The following RAD51B variants were observed in gnomAD, a reference collection of about 807,000 sequenced individuals.
RAD51B encodes RAD51 paralog B.
Under a neutral mutation model 42.2 loss-of-function variants are expected in RAD51B, and 38 were observed. That is an observed-to-expected ratio of 0.90 (90% CI 0.70 to 1.18). The LOEUF is 1.18. RAD51B is among the 50% of genes most tolerant of loss of function. The pLI, the probability that RAD51B is intolerant of heterozygous loss-of-function variation, is 0.00. For synonymous variants in RAD51B, 154 were observed against 145.2 expected (o/e 1.06, Z -0.43); for missense variants, 373 against 400.7 (o/e 0.93, Z 0.59).
chr14:68,392,805 G>A (rs1047311089), intron 8 of RAD51B, among the ~76,000 whole-genome samples: 3 of 152,180 alleles, frequency 2.0e-5, no homozygotes, highest in African/African-American at 7.2e-5. Flanking sequence ...TCCCCATTTC[G>A]ACTCATGCCC....
At chr14:68,659,161 A>G (rs1190925015) in intron 11 of RAD51B, among the ~76,000 whole-genome samples, 2 of 152,174 alleles carry the variant, frequency 1.3e-5, no homozygotes, top group Non-Finnish European at 2.9e-5. Flanking sequence ...CTCTCCACCC[A>G]CGGAGCCTTT....
intron 10 of RAD51B, among the ~76,000 whole-genome samples, chr14:68,548,949 C>T (rs1037347814): frequency 6.6e-6 from 1 of 152,202 alleles, no homozygotes; most frequent in African/African-American, 2.4e-5. Context: ...CAAATCCCTC[C>T]TCCCACCCCT....
chr14:68,496,396 C>T (rs979185150), intron 10 of RAD51B, among the ~76,000 whole-genome samples: 4 of 152,238 alleles, frequency 2.6e-5, no homozygotes, highest in Non-Finnish European at 5.9e-5. Flanking sequence ...GTGTCCATGC[C>T]TCTGGGCCAA....
chr14:67,838,180 C>A (rs142289069), intron 4 of RAD51B, among the ~76,000 whole-genome samples: 16 of 152,228 alleles, frequency 1.1e-4, no homozygotes, highest in Non-Finnish European at 1.9e-4. Context: ...CATATTTATC[C>A]ATTTGTCTGC....
intron 7 of RAD51B, among the ~76,000 whole-genome samples, chr14:67,984,967 G>A (rs982982343): frequency 6.6e-6 from 1 of 152,156 alleles, no homozygotes; most frequent in Non-Finnish European, 1.5e-5. Flanking sequence ...TACTGATGGG[G>A]TATAGAACAA....
chr14:67,961,460 C>G (rs1213408455), intron 7 of RAD51B, among the ~76,000 whole-genome samples: 1 of 152,184 alleles, frequency 6.6e-6, no homozygotes, highest in African/African-American at 2.4e-5. Context: ...CAAAGATATG[C>G]TGGCTATCAG....
Position 67,951,263 on chromosome 14 carries a change from T to C in RAD51B, c.756+64059T>C, listed in dbSNP as rs913935955. ...GTTGGTGCCTGTAGTTTTGTATCCA[T>C]TGAAATATACTGTCACTCATTGGGT... On this transcript the variant is annotated intron_variant, in intron 7 of 10. Transcript: ENST00000471583. Among the ~76,000 whole-genome samples, 5 of 152,176 alleles carry C rather than the reference T, an allele frequency of 3.3e-5. 1 individual carries two copies. Among genetic ancestry groups the C allele is most frequent in the South Asian group, 4.1e-4 (2 of 4,832 alleles).
intron 10 of RAD51B, among the ~76,000 whole-genome samples, chr14:68,545,169 TG>T (rs1300335366): frequency 6.6e-6 from 1 of 152,248 alleles, no homozygotes; most frequent in Non-Finnish European, 1.5e-5. Context: ...CCAGGTTCCA[TG>T]GGCACATATC....
At chr14:68,021,439 A>T (rs1296421917) in intron 7 of RAD51B, among the ~76,000 whole-genome samples, 1 of 152,188 alleles carries the variant, frequency 6.6e-6, no homozygotes, top group Non-Finnish European at 1.5e-5. Flanking sequence ...ATTTTCCCAT[A>T]TCTTCACTGT....
At chr14:67,897,278 C>T (rs2043453234) in intron 7 of RAD51B, among the ~76,000 whole-genome samples, 1 of 151,834 alleles carries the variant, frequency 6.6e-6, no homozygotes, top group African/African-American at 2.4e-5. Context: ...TTCTGCATAG[C>T]AAAGGAAATA....
chr14:68,608,165 C>G (rs528327162), intron 10 of RAD51B, among the ~76,000 whole-genome samples: 1 of 152,346 alleles, frequency 6.6e-6, no homozygotes, highest in Non-Finnish European at 1.5e-5. Context: ...GCTTCCCTGC[C>G]CTTCTCTTAG....
At chr14:68,595,742 A>G in exon 11 of RAD51B, 2 of 632,704 alleles carry the variant, frequency 3.2e-6, no homozygotes, top group Non-Finnish European at 4.1e-6. Flanking sequence ...ATTATGTGTC[A>G]GAAGAAGGCT....
chr14:68,636,765 G>A (rs915943873), intron 10 of RAD51B, among the ~76,000 whole-genome samples: 1 of 152,084 alleles, frequency 6.6e-6, no homozygotes, highest in African/African-American at 2.4e-5. Context: ...CATGCCCAGC[G>A]CCTCCCTGAT....
intron 7 of RAD51B, among the ~76,000 whole-genome samples, chr14:68,064,844 T>A (rs1420646738): frequency 6.6e-6 from 1 of 152,222 alleles, no homozygotes; most frequent in Non-Finnish European, 1.5e-5. Flanking sequence ...TGTCTATCCC[T>A]GCATTGAATT....
intron 7 of RAD51B, among the ~76,000 whole-genome samples, chr14:68,159,635 A>G (rs1226520204): frequency 2.0e-5 from 3 of 151,802 alleles, no homozygotes; most frequent in South Asian, 2.1e-4. Context: ...AAAAAAAAAA[A>G]GACAAAGTAT....
In RAD51B at chr14:67,823,524, T is replaced by C. The variant is rs1356264188; in HGVS notation, c.-2-18T>C. On this transcript the variant is annotated intron_variant, in intron 1 of 10. Transcript: ENST00000471583. Reference sequence around the variant, plus strand: ...GTTGTTTTTTTCATGGTTCTTCTTTTCTTTGCTGGATCTGGAGGCATGGGT... The same window carrying C: ...GTTGTTTTTTTCATGGTTCTTCTTTCCTTTGCTGGATCTGGAGGCATGGGT... 2 of 1,608,070 alleles carry C rather than the reference T, an allele frequency of 1.2e-6. No individual in the cohort carries two copies. Among genetic ancestry groups the C allele is most frequent in the African/African-American group, 1.3e-5 (1 of 74,652 alleles).
intron 10 of RAD51B, among the ~76,000 whole-genome samples, chr14:68,538,638 T>A (rs1887781560): frequency 6.6e-6 from 1 of 152,148 alleles, no homozygotes; most frequent in African/African-American, 2.4e-5. Context: ...GCTTTTTTTT[T>A]TTTTCTTTTT....
chr14:68,411,583 A>G (rs1274058996), intron 9 of RAD51B, 56 bp downstream of exon 9: 1 of 1,502,128 alleles, frequency 6.7e-7, no homozygotes. Flanking sequence ...AGATATACCA[A>G]GCAATCTGAG....
intron 10 of RAD51B, among the ~76,000 whole-genome samples, chr14:68,523,070 C>G (rs1348062170): frequency 6.6e-6 from 1 of 152,136 alleles, no homozygotes; most frequent in Non-Finnish European, 1.5e-5. Context: ...CCCGGGGACC[C>G]TTTTGTTTTG....
Sources: allele counts gnomAD v4.1 joint callset (sites outside exome capture counted in the v4.1 genomes callset), GRCh38; gene constraint gnomAD v4.1.1; transcripts MANE v1.5; gene names NCBI Gene and HGNC (gene_info 2026-07-23, HGNC 2026-07-21).